TMEM163: variants seen among roughly 807,000 people sequenced by gnomAD.
TMEM163 encodes the protein transmembrane protein 163.
Under a neutral mutation model 29.3 loss-of-function variants are expected in TMEM163, and 17 were observed. The ratio of observed to expected loss-of-function variants is 0.58; its 90% CI spans 0.40 to 0.87. The LOEUF (loss-of-function observed/expected upper bound fraction) is 0.87, where lower values mean the gene tolerates loss of function less well. Among genes scored for constraint, TMEM163 ranks in the 40% least tolerant of loss-of-function variants. TMEM163 has a pLI of 0.00. For synonymous variants in TMEM163, 157 were observed against 160.6 expected, an observed-to-expected ratio of 0.98 and a Z score of 0.17; for missense variants, 303 against 381.5, an observed-to-expected ratio of 0.79 and a Z score of 1.71.
At chr2:134,662,297 T>C (rs1020940881) in intron 2 of TMEM163, among the ~76,000 whole-genome samples, 9 of 152,294 alleles carry the variant, frequency 5.9e-5, no homozygotes, top group Middle Eastern at 6.8e-3. Context: ...TCATATTACA[T>C]AGTTTCCCCT....
chr2:134,626,012 G>A (rs755127911), intron 2 of TMEM163, among the ~76,000 whole-genome samples: 6 of 150,294 alleles, frequency 4.0e-5, no homozygotes, highest in Admixed American at 2.0e-4. Flanking sequence ...ATCAGAAATC[G>A]TCTCACTGGA....
At chr2:134,559,721 C>T (rs958057160) in intron 2 of TMEM163, among the ~76,000 whole-genome samples, 2 of 152,114 alleles carry the variant, frequency 1.3e-5, no homozygotes, top group East Asian at 3.9e-4. Context: ...CCCACAATAA[C>T]CTATAAAACC....
At chr2:134,533,801 C>T (rs1425415379) in intron 4 of TMEM163, among the ~76,000 whole-genome samples, 1 of 152,140 alleles carries the variant, frequency 6.6e-6, no homozygotes, top group African/African-American at 2.4e-5. Flanking sequence ...AATTGGGTCC[C>T]ACCACAGGAG....
At chr2:134,694,542 T>TGGCCA (rs1684538255) in intron 2 of TMEM163, among the ~76,000 whole-genome samples, 1 of 152,230 alleles carries the variant, frequency 6.6e-6, no homozygotes, top group South Asian at 2.1e-4. Context: ...GATAAAAAAA[T>TGGCCA]GGCCATCTTT....
chr2:134,665,257 CA>C, intron 2 of TMEM163, among the ~76,000 whole-genome samples: 1 of 152,264 alleles, frequency 6.6e-6, no homozygotes, highest in East Asian at 1.9e-4. Flanking sequence ...AACAGTTCCA[CA>C]AGGCTGGGGA....
intron 4 of TMEM163, among the ~76,000 whole-genome samples, chr2:134,515,047 G>T: frequency 6.6e-6 from 1 of 152,234 alleles, no homozygotes; most frequent in Admixed American, 6.5e-5. Flanking sequence ...ACAGATAGAA[G>T]ATTCTTGAAA....
chr2:134,542,628 A>C (rs1456019329), intron 4 of TMEM163, among the ~76,000 whole-genome samples: 1 of 152,190 alleles, frequency 6.6e-6, no homozygotes, highest in Non-Finnish European at 1.5e-5. Flanking sequence ...ATGTGCTTGA[A>C]TCATCCCCAA....
At chr2:134,659,948 A>G (rs904983232) in intron 2 of TMEM163, among the ~76,000 whole-genome samples, 1 of 152,206 alleles carries the variant, frequency 6.6e-6, no homozygotes, top group African/African-American at 2.4e-5. Context: ...GAGGGAAAAA[A>G]AAAGGTCAAC....
At chr2:134,622,265 A>G (rs181619306) in intron 2 of TMEM163, among the ~76,000 whole-genome samples, 1 of 152,340 alleles carries the variant, frequency 6.6e-6, no homozygotes. Context: ...ACAACTGGCA[A>G]ATTTATAATA....
intron 6 of TMEM163, 21 bp from the exon 7 acceptor site, chr2:134,458,194 G>C (rs763011366): frequency 1.2e-6 from 2 of 1,613,540 alleles, no homozygotes; most frequent in Non-Finnish European, 1.7e-6. Context: ...AGTGGAGAGA[G>C]GCTAGATGGC....
intron 2 of TMEM163, among the ~76,000 whole-genome samples, chr2:134,606,673 G>C (rs1211492516): frequency 6.6e-6 from 1 of 152,244 alleles, no homozygotes; most frequent in Non-Finnish European, 1.5e-5. Context: ...GCACAGGGCT[G>C]TGGCAACCGG....
intron 2 of TMEM163, among the ~76,000 whole-genome samples, chr2:134,656,253 C>T (rs1574315244): frequency 1.3e-5 from 2 of 150,726 alleles, no homozygotes; most frequent in South Asian, 2.1e-4. Flanking sequence ...TCTCATGGTT[C>T]GCCGCTTTTT....
intron 4 of TMEM163, among the ~76,000 whole-genome samples, chr2:134,517,515 C>T (rs780528233): frequency 6.6e-6 from 1 of 152,142 alleles, no homozygotes; most frequent in African/African-American, 2.4e-5. Context: ...TGTTTGTCAA[C>T]CTAAACACAT....
chr2:134,575,270 C>T (rs1209673803), intron 2 of TMEM163, among the ~76,000 whole-genome samples: 4 of 152,054 alleles, frequency 2.6e-5, no homozygotes, highest in Admixed American at 2.6e-4. Flanking sequence ...ACAGAATGGA[C>T]CCTGATTAAG....
intron 4 of TMEM163, among the ~76,000 whole-genome samples, chr2:134,516,066 G>T (rs1442812620): frequency 2.0e-5 from 3 of 152,104 alleles, no homozygotes; most frequent in Admixed American, 6.5e-5. Flanking sequence ...GTGAGTTTCT[G>T]CACTGTTTCT....
intron 1 of TMEM163, among the ~76,000 whole-genome samples, chr2:134,717,409 A>C (rs989662084): frequency 1.3e-5 from 2 of 152,194 alleles, no homozygotes; most frequent in African/African-American, 2.4e-5. Flanking sequence ...AGAGGTGCAG[A>C]ATTCGTTGCC....
At chr2:134,664,582 G>A (rs1245875249) in intron 2 of TMEM163, among the ~76,000 whole-genome samples, 3 of 152,168 alleles carry the variant, frequency 2.0e-5, no homozygotes, top group South Asian at 2.1e-4. Flanking sequence ...TGCTAAACCC[G>A]AAGTATAATC....
At chr2:134,513,826 A>G (rs1304712991) in intron 4 of TMEM163, among the ~76,000 whole-genome samples, 1 of 152,194 alleles carries the variant, frequency 6.6e-6, no homozygotes, top group African/African-American at 2.4e-5. Flanking sequence ...TGGACTTTCA[A>G]TCCAAGAGGA....
intron 2 of TMEM163, among the ~76,000 whole-genome samples, chr2:134,566,708 A>T (rs1681308348): frequency 6.6e-6 from 1 of 152,232 alleles, no homozygotes; most frequent in Non-Finnish European, 1.5e-5. Context: ...GCATCCAACA[A>T]GTTCTACTTT....
Sources: allele counts gnomAD v4.1 joint callset (sites outside exome capture counted in the v4.1 genomes callset), GRCh38; gene constraint gnomAD v4.1.1; transcripts MANE v1.5; gene names NCBI Gene and HGNC (gene_info 2026-07-23, HGNC 2026-07-21).